Variants in XPC observed in about 807,000 individuals in gnomAD.
XPC encodes DNA repair protein complementing XP-C cells.
In XPC, 76 loss-of-function variants were observed where a neutral mutation model predicts 95.8. The ratio of observed to expected loss-of-function variants is 0.79; its 90% confidence interval spans 0.66 to 0.96. The LOEUF is 0.96. Ranked by LOEUF, XPC falls within the 40% of genes least tolerant of loss-of-function variation. The probability of loss-of-function intolerance (pLI) is 0.00; values close to 1 mark genes in which losing one functional copy is unlikely to be tolerated. For missense variants in XPC, 1,146 were observed against 1,179.8 expected, an observed-to-expected ratio of 0.97 and a Z score of 0.42; for synonymous variants, 442 against 442.1, an observed-to-expected ratio of 1.00 and a Z score of 0.00.
At chr3:14,152,969 C>G (rs908766781) in intron 10 of XPC, 1 of 152,318 alleles carries the variant, frequency 6.6e-6, no homozygotes, top group Non-Finnish European at 1.5e-5. Context: ...AGGCAAAGTT[C>G]CTCTGGCTTC....
chr3:14,149,089 CTTTTT>C, intron 11 of XPC, 141 bp from the exon 12 acceptor site: 2 of 994,240 alleles, frequency 2.0e-6, no homozygotes, highest in South Asian at 3.5e-5. Context: ...CTTTTTCTCC[CTTTTT>C]TTTTTTTGAG....
chr3:14,149,040 A>AC lies in XPC; in HGVS notation c.2116-93dup, dbSNP rs1695575419. On this transcript the variant is annotated intron_variant, in intron 11 of 15. Coordinates refer to ENST00000285021, the MANE Select transcript of XPC (RefSeq NM_004628.5). ...CCATGCTCAGTGCCGCATGCCTGGT[A>AC]CCTGGTGAACCCTCAGAACACACCT... is the stretch of plus-strand genomic sequence containing the variant. The AC allele has an allele frequency of 2.6e-6, 4 of 1,549,274 alleles. No homozygotes were observed. In the Admixed American group the frequency reaches 7.1e-5, roughly 27 times the overall value.
rs774748980 is a variant in XPC, at chr3:14,147,927, A to G, written c.2495T>C (p.Ile832Thr). Reference protein sequence around the residue: ...LTAWENEQAVIERKEKEKKEK... With the variant: ...LTAWENEQAVTERKEKEKKEK... ...GCTTACCTCCTTCTCCTTCCTTTCA[A>G]TGACTGCCTGCTCATTTTCCCAGGC... Residue 832 changes from isoleucine to threonine, a missense_variant, in exon 14 of 16, where the codon ATT (isoleucine) becomes ACT (threonine). Physicochemically the swap from Ile to Thr is moderately conservative, Grantham distance 89. Transcript: ENST00000285021. 2 of 1,602,316 alleles carry G rather than the reference A, an allele frequency of 1.2e-6. No homozygotes were observed. The highest frequency in any genetic ancestry group is 1.3e-5 in the African/African-American group (1 of 74,758).
chr3:14,178,169 A>G (rs1696913143), intron 1 of XPC, among the ~76,000 whole-genome samples: 1 of 152,244 alleles, frequency 6.6e-6, no homozygotes, highest in African/African-American at 2.4e-5. Context: ...GACACAAATA[A>G]CTGCCTTCTC....
chr3:14,165,313 C>A, intron 6 of XPC, 115 bp downstream of exon 6: 1 of 1,349,004 alleles, frequency 7.4e-7, no homozygotes, highest in African/African-American at 1.5e-5. Flanking sequence ...ATGCCCACCA[C>A]CTGATACATA....
chr3:14,172,784 A>G lies in XPC; in HGVS notation c.299+83T>C, dbSNP rs1173696226. 7 of 1,440,170 alleles carry G rather than the reference A, an allele frequency of 4.9e-6. No homozygotes were observed. In the East Asian group the frequency reaches 1.4e-4, roughly 29 times the overall value. The allele number at this position is 1,440,170 out of a possible 1,614,324, so 89.2% of individuals were successfully genotyped here. A position where few individuals can be genotyped will look rare whatever the true frequency, so the allele number is the denominator to read the frequency against. ...CCAATCTTCCATGGACCCCAGTGAC[A>G]AGTAAGAATAGAGGTTTTCATTATT... is the stretch of plus-strand genomic sequence containing the variant. On this transcript the variant is annotated intron_variant, in intron 2 of 15. Coordinates refer to ENST00000285021, the MANE Select transcript of XPC (RefSeq NM_004628.5).
At chr3:14,153,513 C>A (rs997062956) in intron 10 of XPC, 2 of 153,484 alleles carry the variant, frequency 1.3e-5, no homozygotes, top group African/African-American at 4.8e-5. Context: ...GTGTTCTCAG[C>A]ACGTTTAAGG....
At chr3:14,165,280 G>C (rs961339290) in intron 6 of XPC, 148 bp downstream of exon 6, 4 of 1,100,354 alleles carry the variant, frequency 3.6e-6, no homozygotes, top group Non-Finnish European at 5.0e-6. Context: ...GATCATACCT[G>C]GCATTTCTCT....
intron 2 of XPC, 114 bp from the exon 3 acceptor site, chr3:14,170,664 A>C: frequency 1.3e-6 from 1 of 748,194 alleles, no homozygotes; most frequent in South Asian, 1.9e-5. Context: ...TGTTGCAACT[A>C]TTTAAAGATG....
chr3:14,164,947 A>G lies in XPC; in HGVS notation c.780-14T>C, dbSNP rs767708232. ...GTTCCAATGAACCTGGGGAGAAAGCAGGCATTCCTTGTGTCAGAGGTCAGG... is the reference window on the plus strand; with the variant it reads ...GTTCCAATGAACCTGGGGAGAAAGCGGGCATTCCTTGTGTCAGAGGTCAGG... On this transcript the variant is annotated splice_polypyrimidine_tract_variant and intron_variant, in intron 6 of 15. Coordinates refer to ENST00000285021, the MANE Select transcript of XPC (RefSeq NM_004628.5). 8 of 1,604,402 alleles carry G rather than the reference A, an allele frequency of 5.0e-6. No homozygotes were observed. Among genetic ancestry groups the G allele is most frequent in the Non-Finnish European group, 6.8e-6 (8 of 1,175,880 alleles).
chr3:14,168,221 T>C (rs371269262), intron 4 of XPC, 36 bp downstream of exon 4: 49 of 1,581,698 alleles, frequency 3.1e-5, no homozygotes, highest in Non-Finnish European at 3.9e-5. Context: ...GCCTACTGCA[T>C]GTGACAGGAG....
In XPC at chr3:14,148,921, G is replaced by A. The variant is rs536968411; in HGVS notation, c.2143C>T (p.Arg715Trp). 61 of 1,613,922 alleles carry A rather than the reference G, an allele frequency of 3.8e-5. No individual in the cohort carries two copies. Among genetic ancestry groups the A allele is most frequent in the Non-Finnish European group, 4.9e-5 (58 of 1,179,870 alleles). The change falls in exon 12 of 16, where the codon CGG (arginine) becomes TGG (tryptophan). Residue 715 changes from arginine to tryptophan, a missense_variant. Physicochemically the swap from Arg to Trp is moderately radical, Grantham distance 101. Coordinates refer to ENST00000285021, the MANE Select transcript of XPC (RefSeq NM_004628.5). ...KMVKGFSNRA[R>W]KARLAEPQLR... ...TGGGGCTCAGCAAGTCGGGCTTTCC[G>A]AGCACGGTTAGAAAAGCCTTTCACC... is the stretch of plus-strand genomic sequence containing the variant.
intron 10 of XPC, among the ~76,000 whole-genome samples, chr3:14,154,645 G>A (rs185548312): frequency 1.1e-4 from 17 of 152,120 alleles, no homozygotes; most frequent in African/African-American, 4.1e-4. Context: ...TGGAGAAGGG[G>A]AATTCGGAGT....
intron 1 of XPC, 123 bp downstream of exon 1, chr3:14,178,343 C>T (rs1224161719): frequency 6.8e-6 from 8 of 1,169,464 alleles, no homozygotes; most frequent in Non-Finnish European, 9.2e-6. Context: ...GGGCTGCCCC[C>T]ACGGCGCGGA....
At chr3:14,157,972 C>T (rs753791855) in intron 9 of XPC, 39 bp downstream of exon 9, 2 of 1,554,928 alleles carry the variant, frequency 1.3e-6, no homozygotes, top group African/African-American at 1.4e-5. Context: ...TTTTAATAAC[C>T]TGACTGTGTC....
At chr3:14,152,542 C>T in intron 10 of XPC, 126 bp from the exon 11 acceptor site, 1 of 840,486 alleles carries the variant, frequency 1.2e-6, no homozygotes, top group Non-Finnish European at 1.8e-6. Context: ...GCAGGCCGAG[C>T]TCCTAGGGGG....
Position 14,165,493 on chromosome 3 carries a change from TG to T in XPC, c.713del (p.Pro238GlnfsTer21), listed in dbSNP as rs1299785983. 1 of 1,608,452 alleles carries T rather than the reference TG, an allele frequency of 6.2e-7. No homozygotes were observed. The highest frequency in any genetic ancestry group is 1.1e-5 in the South Asian group (1 of 89,682). ...GAGGCAGCACTCTGGTAAAGCGGGC[TG>T]GGATGATGGACAGGCCAATAGCATG... ...DLHAIGLSII[P>X]ARFTRVLPRD... is the part of the protein sequence containing the mutation. On this transcript the variant is annotated frameshift_variant, in exon 6 of 16. Coordinates refer to ENST00000285021, the MANE Select transcript of XPC (RefSeq NM_004628.5). LOFTEE classifies it high-confidence loss of function.
chr3:14,146,331 C>A (rs1296791192), intron 15 of XPC, among the ~76,000 whole-genome samples, 172 bp from the exon 16 acceptor site: 1 of 151,934 alleles, frequency 6.6e-6, no homozygotes, highest in Non-Finnish European at 1.5e-5. Context: ...CTGAGCCGTC[C>A]CAGCCTGGGG....
intron 2 of XPC, 81 bp downstream of exon 2, chr3:14,172,785 AG>A: frequency 6.9e-7 from 1 of 1,445,014 alleles, no homozygotes. Context: ...CCCAGTGACA[AG>A]TAAGAATAGA....
Sources: gnomAD v4.1 joint callset for allele counts (sites outside exome capture counted in the v4.1 genomes callset) on GRCh38, gnomAD v4.1.1 for gene constraint, MANE v1.5 for transcripts, NCBI Gene and HGNC (gene_info 2026-07-23, HGNC 2026-07-21) for gene names.